The following DOCK3 variants were observed in gnomAD, a reference collection of about 807,000 sequenced individuals.
DOCK3 encodes dedicator of cytokinesis 3.
Under a neutral mutation model 265.6 loss-of-function variants are expected in DOCK3, and 60 were observed. The observed-to-expected ratio is 0.23, with a 90% CI of 0.18 to 0.28. The LOEUF (loss-of-function observed/expected upper bound fraction) is 0.28, where lower values mean the gene tolerates loss of function less well. Ranked by LOEUF, DOCK3 falls within the 10% of genes least tolerant of loss-of-function variation. The pLI is 1.00. For missense variants in DOCK3, 1,981 were observed against 2,594.3 expected (o/e 0.76, Z 5.14); for synonymous variants, 881 against 938.0 (o/e 0.94, Z 1.11).
chr3:51,149,790 T>G (rs1396939799), intron 10 of DOCK3, among the ~76,000 whole-genome samples: 1 of 152,126 alleles, frequency 6.6e-6, no homozygotes, highest in Non-Finnish European at 1.5e-5. Context: ...GGGATATTGG[T>G]CTAAAAATCT....
chr3:50,831,137 G>A (rs1052820505), intron 2 of DOCK3, among the ~76,000 whole-genome samples: 2 of 151,874 alleles, frequency 1.3e-5, no homozygotes, highest in African/African-American at 2.4e-5. Context: ...CATTTTCATT[G>A]CCATCTTGGT....
intron 9 of DOCK3, among the ~76,000 whole-genome samples, chr3:51,130,353 T>C (rs780156414): frequency 6.6e-6 from 1 of 152,188 alleles, no homozygotes; most frequent in Non-Finnish European, 1.5e-5. Context: ...AGTAAAGATA[T>C]ATTGTTGGCC....
intron 2 of DOCK3, among the ~76,000 whole-genome samples, chr3:50,796,601 G>C (rs898176979): frequency 1.3e-5 from 2 of 152,232 alleles, no homozygotes; most frequent in African/African-American, 4.8e-5. Context: ...GCCTCCCAAA[G>C]TGTTGGGATT....
chr3:51,103,246 A>G (rs1399824775), intron 9 of DOCK3, among the ~76,000 whole-genome samples: 2 of 152,214 alleles, frequency 1.3e-5, no homozygotes, highest in Non-Finnish European at 2.9e-5. Context: ...ATGGTGGTGC[A>G]GGCCCAAGAG....
chr3:50,776,353 T>C (rs2041599877), intron 1 of DOCK3, among the ~76,000 whole-genome samples: 1 of 152,206 alleles, frequency 6.6e-6, no homozygotes, highest in African/African-American at 2.4e-5. Flanking sequence ...GAGCATTTTT[T>C]TTCATGTGTT....
intron 4 of DOCK3, among the ~76,000 whole-genome samples, chr3:50,914,645 T>C (rs958809911): frequency 2.0e-5 from 3 of 152,166 alleles, no homozygotes; most frequent in South Asian, 4.1e-4. Flanking sequence ...CATGTGCTGA[T>C]GATATGAATG....
intron 2 of DOCK3, among the ~76,000 whole-genome samples, chr3:50,824,695 T>TTATGACA (rs1174012544): frequency 1.3e-5 from 2 of 152,310 alleles, no homozygotes; most frequent in Admixed American, 1.3e-4. Context: ...TTTAGATGAT[T>TTATGACA]TATGACAGTG....
At chr3:50,948,475 C>A (rs930987758) in intron 5 of DOCK3, among the ~76,000 whole-genome samples, 6 of 142,900 alleles carry the variant, frequency 4.2e-5, no homozygotes, top group African/African-American at 1.6e-4. Flanking sequence ...AAAATCATAG[C>A]TCACTGTAAG....
At chr3:50,706,617 G>A (rs2036430408) in intron 1 of DOCK3, among the ~76,000 whole-genome samples, 1 of 152,122 alleles carries the variant, frequency 6.6e-6, no homozygotes, top group African/African-American at 2.4e-5. Context: ...AGTTTCCTGT[G>A]TCTGGATGTG....
intron 1 of DOCK3, among the ~76,000 whole-genome samples, chr3:50,711,681 A>G (rs1008858651): frequency 2.6e-5 from 4 of 152,174 alleles, no homozygotes; most frequent in Non-Finnish European, 5.9e-5. Flanking sequence ...TTAGGGTAAT[A>G]CTGGCCCCAT....
chr3:51,375,159 G>A (rs2088002791), intron 50 of DOCK3, among the ~76,000 whole-genome samples: 1 of 152,168 alleles, frequency 6.6e-6, no homozygotes, highest in East Asian at 1.9e-4. Context: ...CCTTCTATCA[G>A]GGTCCATAAA....
In DOCK3 at chr3:51,351,200, C is replaced by T. The variant is rs1164735281; in HGVS notation, c.4107+808C>T. Among the ~76,000 whole-genome samples, 4 of 152,124 alleles carry T rather than the reference C, an allele frequency of 2.6e-5. No homozygotes were observed. In the East Asian group the frequency reaches 5.8e-4, roughly 22 times the overall value. ...AATGAAGCTGCCCTGATGTGTGGGC[C>T]CTGGAGCAGTTGAGACCTAATTGCT... On this transcript the variant is annotated intron_variant, in intron 40 of 52. Transcript: ENST00000266037.
At chr3:50,983,564 G>A (rs2077781561) in intron 5 of DOCK3, among the ~76,000 whole-genome samples, 1 of 152,120 alleles carries the variant, frequency 6.6e-6, no homozygotes, top group Admixed American at 6.5e-5. Context: ...TAGCAGAGAG[G>A]AGCTACCTAC....
At position 50,803,775 on chromosome 3, in the gene DOCK3, G is replaced by A. The variant is rs924108417; in HGVS notation, c.121+25017G>A. Reference sequence around the variant, plus strand: ...CCCCCACCTCCCTCCTGGACAGGGCGGCTGGCTGGGCGGGGGCTGCCCCCC... The same window carrying A: ...CCCCCACCTCCCTCCTGGACAGGGCAGCTGGCTGGGCGGGGGCTGCCCCCC... On this transcript the variant is annotated intron_variant, in intron 2 of 52. Transcript: ENST00000266037. Among the ~76,000 whole-genome samples, 5 of 151,470 alleles carry A rather than the reference G, an allele frequency of 3.3e-5. No homozygotes were observed. The South Asian group carries it at 6.3e-4, about 19-fold the overall frequency.
At chr3:50,982,439 G>A (rs1321488729) in intron 5 of DOCK3, among the ~76,000 whole-genome samples, 2 of 152,136 alleles carry the variant, frequency 1.3e-5, no homozygotes, top group Non-Finnish European at 2.9e-5. Context: ...GGCTGCAGTG[G>A]GGAGGTGCAA....
intron 5 of DOCK3, among the ~76,000 whole-genome samples, chr3:51,045,623 AG>A (rs2080748005): frequency 6.6e-6 from 1 of 152,184 alleles, no homozygotes; most frequent in East Asian, 1.9e-4. Flanking sequence ...CAATAAAACG[AG>A]GTATGCCTGT....
At chr3:51,105,145 A>T (rs1463851974) in intron 9 of DOCK3, among the ~76,000 whole-genome samples, 1 of 152,208 alleles carries the variant, frequency 6.6e-6, no homozygotes, top group East Asian at 1.9e-4. Flanking sequence ...TTGTTATAGT[A>T]TGAATGGTGA....
chr3:50,965,616 C>T (rs1221411472), intron 5 of DOCK3, among the ~76,000 whole-genome samples: 22 of 152,176 alleles, frequency 1.4e-4, no homozygotes, highest in African/African-American at 5.1e-4. Context: ...TATATAATAA[C>T]TGTAATATAT....
chr3:50,690,375 C>A (rs993500837), intron 1 of DOCK3, among the ~76,000 whole-genome samples: 3 of 151,920 alleles, frequency 2.0e-5, no homozygotes, highest in Non-Finnish European at 4.4e-5. Flanking sequence ...CTCAAGAGAC[C>A]CTTCTACCTT....
Sources: allele counts gnomAD v4.1 joint callset (sites outside exome capture counted in the v4.1 genomes callset), GRCh38; gene constraint gnomAD v4.1.1; transcripts MANE v1.5; gene names NCBI Gene and HGNC (gene_info 2026-07-23, HGNC 2026-07-21).